B3GALT1: variants seen among roughly 807,000 people sequenced by gnomAD.
B3GALT1 encodes beta-1,3-galactosyltransferase 1.
In B3GALT1, 10 loss-of-function variants were observed where a neutral mutation model predicts 23.2. That is an observed-to-expected ratio of 0.43 (90% CI 0.27 to 0.73). B3GALT1 has a LOEUF of 0.73. Among genes scored for constraint, B3GALT1 ranks in the 30% least tolerant of loss-of-function variants. The pLI, the probability that B3GALT1 is intolerant of heterozygous loss-of-function variation, is 0.21. For missense variants in B3GALT1, 299 were observed against 405.4 expected, an observed-to-expected ratio of 0.74 and a Z score of 2.25; for synonymous variants, 156 against 141.5, an observed-to-expected ratio of 1.10 and a Z score of -0.73.
chr2:167,431,329 G>A (rs1295954918), intron 1 of B3GALT1, among the ~76,000 whole-genome samples: 4 of 152,116 alleles, frequency 2.6e-5, no homozygotes, highest in Admixed American at 6.5e-5. Flanking sequence ...GAACCATTAC[G>A]AATCACTGAC....
chr2:167,572,567 CAA>C (rs1416171961), intron 2 of B3GALT1, among the ~76,000 whole-genome samples: 2 of 151,704 alleles, frequency 1.3e-5, no homozygotes, highest in Non-Finnish European at 3.0e-5. Context: ...ACCAACAAAA[CAA>C]AGATTGGAAG....
At chr2:167,431,717 G>T (rs1698707625) in intron 1 of B3GALT1, among the ~76,000 whole-genome samples, 1 of 152,152 alleles carries the variant, frequency 6.6e-6, no homozygotes, top group Non-Finnish European at 1.5e-5. Context: ...TAGGATACTT[G>T]TTTTAAAAGG....
chr2:167,655,489 T>C (rs887544641), intron 3 of B3GALT1, among the ~76,000 whole-genome samples: 1 of 152,274 alleles, frequency 6.6e-6, no homozygotes, highest in East Asian at 1.9e-4. Context: ...ATCAACATCT[T>C]GTTACATGTA....
chr2:167,409,824 TGGTG>T (rs1698363128), intron 1 of B3GALT1, among the ~76,000 whole-genome samples: 1 of 151,834 alleles, frequency 6.6e-6, no homozygotes, highest in African/African-American at 2.4e-5. Flanking sequence ...TCTACACTCT[TGGTG>T]GGAGTGTAAA....
At chr2:167,302,461 T>C (rs1200940047) in intron 1 of B3GALT1, among the ~76,000 whole-genome samples, 4 of 152,130 alleles carry the variant, frequency 2.6e-5, no homozygotes, top group Non-Finnish European at 4.4e-5. Flanking sequence ...GACTAAATTG[T>C]ACAAATTTCT....
chr2:167,742,578 G>GCAGAAAGATGACTACGTAGCAGAAAGAA (rs1687592012), intron 3 of B3GALT1, among the ~76,000 whole-genome samples: 1 of 152,160 alleles, frequency 6.6e-6, no homozygotes, highest in African/African-American at 2.4e-5. Context: ...TTCTATCACA[G>GCAGAAAGATGACTACGTAGCAGAAAGAA]CAGAAAGATG....
chr2:167,827,208 C>CA (rs1280728503), intron 4 of B3GALT1, among the ~76,000 whole-genome samples: 1 of 152,184 alleles, frequency 6.6e-6, no homozygotes, highest in Admixed American at 6.5e-5. Flanking sequence ...AACAGCCCTT[C>CA]AAGTCAGTGC....
intron 2 of B3GALT1, among the ~76,000 whole-genome samples, chr2:167,581,786 A>G (rs1377784847): frequency 1.3e-5 from 2 of 152,240 alleles, no homozygotes; most frequent in African/African-American, 2.4e-5. Context: ...GAGGAATCAC[A>G]TTCCAAATAT....
chr2:167,764,414 A>G (rs1257089186), intron 3 of B3GALT1, among the ~76,000 whole-genome samples: 1 of 152,338 alleles, frequency 6.6e-6, no homozygotes, highest in Middle Eastern at 3.4e-3. Flanking sequence ...AAAGTTGCAT[A>G]TTCAGTGTAG....
intron 3 of B3GALT1, among the ~76,000 whole-genome samples, chr2:167,698,007 T>A (rs72876804): frequency 0.12 from 17,529 of 152,254 alleles, 1,164 homozygotes; most frequent in Middle Eastern, 0.21. Flanking sequence ...ATTGGAAATG[T>A]ATTTATTTTC....
intron 3 of B3GALT1, chr2:167,715,804 T>A: frequency 6.2e-7 from 1 of 1,613,742 alleles, no homozygotes; most frequent in South Asian, 1.1e-5. Context: ...TACATTTTTC[T>A]TCAATTAGTC....
At chr2:167,454,367 C>T (rs1668495315) in intron 1 of B3GALT1, among the ~76,000 whole-genome samples, 1 of 152,234 alleles carries the variant, frequency 6.6e-6, no homozygotes, top group South Asian at 2.1e-4. Flanking sequence ...ATAGCCACTT[C>T]TCCCTCAGTC....
intron 1 of B3GALT1, among the ~76,000 whole-genome samples, chr2:167,293,653 G>T (rs956302438): frequency 7.6e-4 from 115 of 152,280 alleles, no homozygotes; most frequent in African/African-American, 2.7e-3. Context: ...CGTCCTTCAA[G>T]GACCCAAGCT....
chr2:167,428,684 AAGTG>A (rs1698659923), intron 1 of B3GALT1, among the ~76,000 whole-genome samples: 1 of 152,054 alleles, frequency 6.6e-6, no homozygotes, highest in African/African-American at 2.4e-5. Flanking sequence ...TTTAAAAAAA[AAGTG>A]GACATGATCC....
chr2:167,561,791 A>C (rs937547328), intron 2 of B3GALT1, among the ~76,000 whole-genome samples: 1 of 152,216 alleles, frequency 6.6e-6, no homozygotes, highest in Non-Finnish European at 1.5e-5. Context: ...CAATAACAGG[A>C]TCTGAAATTG....
At chr2:167,714,629 T>G (rs1190666151) in intron 3 of B3GALT1, 8 of 1,613,732 alleles carry the variant, frequency 5.0e-6, no homozygotes, top group Non-Finnish European at 6.8e-6. Context: ...AGCATTTTCT[T>G]TCCTTAAATC....
At chr2:167,497,584 T>A (rs1330749679) in intron 2 of B3GALT1, among the ~76,000 whole-genome samples, 1 of 152,006 alleles carries the variant, frequency 6.6e-6, no homozygotes, top group African/African-American at 2.4e-5. Flanking sequence ...AAAGAAGAGT[T>A]ATTAAGGAGT....
chr2:167,858,841 G>A (rs1307085749), intron 4 of B3GALT1, among the ~76,000 whole-genome samples: 1 of 152,060 alleles, frequency 6.6e-6, no homozygotes, highest in East Asian at 1.9e-4. Context: ...ATCAGTCGCT[G>A]CATAGTACCA....
chr2:167,736,057 G>A (rs891610333), intron 3 of B3GALT1, among the ~76,000 whole-genome samples: 4 of 152,162 alleles, frequency 2.6e-5, no homozygotes, highest in Non-Finnish European at 5.9e-5. Context: ...AGACCAAAGC[G>A]TAGCATAGGT....
Sources: gnomAD v4.1 joint callset for allele counts (sites outside exome capture counted in the v4.1 genomes callset) on GRCh38, gnomAD v4.1.1 for gene constraint, MANE v1.5 for transcripts, NCBI Gene and HGNC (gene_info 2026-07-23, HGNC 2026-07-21) for gene names.